WDR7: variants seen among roughly 807,000 people sequenced by gnomAD.
WDR7 encodes the protein WD repeat domain 7.
WDR7 carries 46 observed loss-of-function variants against 169.4 expected under a neutral mutation model. That is an observed-to-expected ratio of 0.27 (90% CI 0.21 to 0.35). WDR7 has a LOEUF of 0.35. Among genes scored for constraint, WDR7 ranks in the 10% least tolerant of loss-of-function variants. The pLI, the probability that WDR7 is intolerant of heterozygous loss-of-function variation, is 1.00. For missense variants in WDR7, 1,534 were observed against 1,859.3 expected, an observed-to-expected ratio of 0.83 and a Z score of 3.22; for synonymous variants, 612 against 666.8, an observed-to-expected ratio of 0.92 and a Z score of 1.27.
At chr18:57,023,387 A>G (rs2048317076) in intron 27 of WDR7, among the ~76,000 whole-genome samples, 1 of 152,250 alleles carries the variant, frequency 6.6e-6, no homozygotes, top group South Asian at 2.1e-4. Flanking sequence ...ATCAGCTATT[A>G]AAATCTTTGC....
chr18:56,888,803 GGCA>G (rs1448372155), intron 21 of WDR7, among the ~76,000 whole-genome samples: 2 of 152,080 alleles, frequency 1.3e-5, no homozygotes, highest in African/African-American at 2.4e-5. Context: ...CATTTCCCGA[GGCA>G]GCAGACTCCG....
chr18:56,776,244 GTA>G (rs2044241517), intron 16 of WDR7, among the ~76,000 whole-genome samples: 1 of 151,472 alleles, frequency 6.6e-6, no homozygotes, highest in African/African-American at 2.4e-5. Context: ...GTTAAACATG[GTA>G]TATATATTCT....
chr18:56,847,838 G>T (rs1207988781), intron 20 of WDR7, among the ~76,000 whole-genome samples: 2 of 152,236 alleles, frequency 1.3e-5, no homozygotes, highest in Admixed American at 6.5e-5. Flanking sequence ...GAATGCAAGA[G>T]TCAAGGAGAC....
chr18:56,939,431 T>C, intron 25 of WDR7, 38 bp downstream of exon 25: 1 of 1,464,228 alleles, frequency 6.8e-7, no homozygotes, highest in South Asian at 1.4e-5. Context: ...ATAAATAATT[T>C]TCAGTAACAA....
intron 26 of WDR7, among the ~76,000 whole-genome samples, chr18:57,013,529 A>G (rs1416262355): frequency 1.3e-5 from 2 of 152,270 alleles, no homozygotes; most frequent in Non-Finnish European, 2.9e-5. Flanking sequence ...TGAGACAGAA[A>G]CTAACCTCTT....
intron 20 of WDR7, among the ~76,000 whole-genome samples, chr18:56,837,265 G>A (rs1568223695): frequency 1.3e-5 from 2 of 152,176 alleles, no homozygotes; most frequent in Admixed American, 1.3e-4. Flanking sequence ...CTCAAAATTA[G>A]TCATTGTGAC....
intron 20 of WDR7, among the ~76,000 whole-genome samples, chr18:56,846,400 T>TA (rs1254434516): frequency 1.3e-5 from 2 of 152,130 alleles, no homozygotes; most frequent in Admixed American, 1.3e-4. Context: ...ATCCTCATGG[T>TA]AGTGAATAAG....
At position 57,029,523 on chromosome 18, in the gene WDR7, C is replaced by T. The variant is rs897196494; in HGVS notation, c.*2316C>T. On this transcript the variant is annotated 3_prime_UTR_variant, in exon 28 of 28. Coordinates refer to ENST00000254442, the MANE Select transcript of WDR7 (RefSeq NM_015285.3). ...CTCTGCATTGTCATCCCAGCGTACA[C>T]CTTTAATGTTTTATTGATTTCACTG... is the stretch of plus-strand genomic sequence containing the variant. The T allele has an allele frequency of 6.6e-6, 1 of 152,124 alleles. No individual in the cohort carries two copies. Among genetic ancestry groups the T allele is most frequent in the Non-Finnish European group, 1.5e-5 (1 of 68,020 alleles). The allele number at this position is 152,124 out of a possible 1,614,324, so 9.4% of individuals were successfully genotyped here.
At chr18:56,803,699 G>A (rs1416226003) in intron 19 of WDR7, among the ~76,000 whole-genome samples, 2 of 152,154 alleles carry the variant, frequency 1.3e-5, no homozygotes, top group Non-Finnish European at 2.9e-5. Context: ...AAAAGCAATG[G>A]TAATAACTTT....
chr18:56,800,997 T>G (rs953725172), intron 19 of WDR7, among the ~76,000 whole-genome samples: 2 of 152,188 alleles, frequency 1.3e-5, no homozygotes, highest in Admixed American at 6.5e-5. Context: ...CACTAGCCCA[T>G]GTATCCCCCA....
chr18:56,908,281 T>G (rs932647653), intron 21 of WDR7, among the ~76,000 whole-genome samples: 2 of 152,334 alleles, frequency 1.3e-5, no homozygotes, highest in South Asian at 4.1e-4. Context: ...TGCCTTTCTC[T>G]GACTTATTTT....
chr18:56,709,076 AAAAT>A (rs1361315956), intron 12 of WDR7, among the ~76,000 whole-genome samples: 1 of 152,238 alleles, frequency 6.6e-6, no homozygotes, highest in Admixed American at 6.5e-5. Context: ...CATGAAGTGA[AAAAT>A]AAAGTAAGTT....
chr18:56,719,561 C>CAAA (rs58285674), intron 13 of WDR7, among the ~76,000 whole-genome samples: 2 of 106,238 alleles, frequency 1.9e-5, no homozygotes, highest in Non-Finnish European at 3.7e-5. Flanking sequence ...GACTCTGTCT[C>CAAA]AAAAAAAAAA....
intron 19 of WDR7, among the ~76,000 whole-genome samples, chr18:56,805,575 T>A (rs1195719738): frequency 6.6e-6 from 1 of 152,202 alleles, no homozygotes; most frequent in African/African-American, 2.4e-5. Context: ...TTCATAATTG[T>A]CTTTAACAAC....
At chr18:56,748,830 C>G (rs1280482889) in intron 14 of WDR7, among the ~76,000 whole-genome samples, 1 of 152,008 alleles carries the variant, frequency 6.6e-6, no homozygotes, top group Admixed American at 6.6e-5. Flanking sequence ...TATCCTAACT[C>G]TTAATGTTAA....
intron 26 of WDR7, among the ~76,000 whole-genome samples, chr18:56,976,765 T>G (rs1279947651): frequency 1.3e-5 from 2 of 152,140 alleles, no homozygotes; most frequent in African/African-American, 4.8e-5. Context: ...ACTTACCCAT[T>G]TAAAAACCTG....
chr18:56,955,498 G>C (rs112982146), intron 25 of WDR7, among the ~76,000 whole-genome samples: 6,387 of 152,200 alleles, frequency 0.042, 443 homozygotes, highest in African/African-American at 0.14. Context: ...CTTGTAAATT[G>C]TAAGTATTTG....
At chr18:56,942,286 G>A (rs535921572) in intron 25 of WDR7, among the ~76,000 whole-genome samples, 1 of 152,014 alleles carries the variant, frequency 6.6e-6, no homozygotes, top group Non-Finnish European at 1.5e-5. Flanking sequence ...GTGTTCTTTT[G>A]GGGGAGGGAA....
Position 56,679,410 on chromosome 18 carries a change from C to T in WDR7, c.238C>T (p.Gln80Ter). 6.2e-7 allele frequency: 1 copy of T among 1,611,546 alleles called. No homozygotes were observed. The highest frequency in any genetic ancestry group is 8.5e-7 in the Non-Finnish European group (1 of 1,178,032). The stretch of plus-strand genomic sequence containing the variant: ...TAAAGCTTGTGCTTCCAGTGACAAA[C>T]AGTATATTGTGAGTGCATCTGAAAG... The part of the protein sequence containing the change: ...LSKACASSDK[Q>*]YIVSASESGE... The change falls in exon 3 of 28, where the codon CAG becomes TAG. Residue 80 changes from glutamine (Q) to a stop codon, truncating the protein, a stop_gained. Coordinates refer to ENST00000254442, the MANE Select transcript of WDR7 (RefSeq NM_015285.3). LOFTEE classifies it high-confidence loss of function.
Sources: gnomAD v4.1 joint callset for allele counts (sites outside exome capture counted in the v4.1 genomes callset) on GRCh38, gnomAD v4.1.1 for gene constraint, MANE v1.5 for transcripts, NCBI Gene and HGNC (gene_info 2026-07-23, HGNC 2026-07-21) for gene names.